The following KCNH8 variants were observed in gnomAD, a reference collection of about 807,000 sequenced individuals.
The protein encoded by KCNH8 is voltage-gated delayed rectifier potassium channel KCNH8.
KCNH8 carries 70 observed loss-of-function variants against 103.6 expected under a neutral mutation model. The observed-to-expected ratio is 0.68, with a 90% confidence interval of 0.56 to 0.82. The LOEUF (loss-of-function observed/expected upper bound fraction) is 0.82, where lower values mean the gene tolerates loss of function less well. KCNH8 is among the 40% of genes least tolerant of loss of function. The pLI is 0.00. For missense variants in KCNH8, 1,217 were observed against 1,329.9 expected, an observed-to-expected ratio of 0.92 and a Z score of 1.32; for synonymous variants, 498 against 489.4, an observed-to-expected ratio of 1.02 and a Z score of -0.23.
intron 11 of KCNH8, among the ~76,000 whole-genome samples, chr3:19,487,775 G>A (rs912628569): frequency 6.6e-6 from 1 of 152,170 alleles, no homozygotes; most frequent in Admixed American, 6.5e-5. Flanking sequence ...TCTTGTAAAG[G>A]AGATGGTGGC....
At chr3:19,186,434 T>C (rs2063503488) in intron 1 of KCNH8, among the ~76,000 whole-genome samples, 2 of 152,018 alleles carry the variant, frequency 1.3e-5, no homozygotes, top group Admixed American at 1.3e-4. Context: ...TTTCACAAAT[T>C]ATTGTGCTGC....
At chr3:19,494,365 G>C (rs777604272) in intron 11 of KCNH8, among the ~76,000 whole-genome samples, 2 of 152,032 alleles carry the variant, frequency 1.3e-5, no homozygotes, top group Non-Finnish European at 2.9e-5. Flanking sequence ...ATGGTAAATG[G>C]GTCTCATGAT....
At chr3:19,306,478 G>A (rs898673332) in intron 3 of KCNH8, among the ~76,000 whole-genome samples, 3 of 152,056 alleles carry the variant, frequency 2.0e-5, no homozygotes, top group African/African-American at 4.8e-5. Flanking sequence ...AGAAAGAGTC[G>A]ATGTTCAATT....
intron 7 of KCNH8, among the ~76,000 whole-genome samples, chr3:19,404,598 A>G (rs184436967): frequency 6.6e-6 from 1 of 151,996 alleles, no homozygotes; most frequent in African/African-American, 2.4e-5. Flanking sequence ...ATGGACTTCT[A>G]TATTTAAATG....
In KCNH8 at chr3:19,284,474, G is replaced by GTATGTACAAT. The variant is rs568054922; in HGVS notation, c.442+3146_442+3155dup. ...GAGCACAAAATTCAAACTACTATTT[G>GTATGTACAAT]TATGTACAATAGCTTTCAGCTGGTG... On this transcript the variant is annotated intron_variant, in intron 3 of 15. Transcript: ENST00000328405. 1.3e-3 allele frequency among the ~76,000 whole-genome samples: 188 copies of GTATGTACAAT among 150,342 alleles called. 2 individuals are homozygous for GTATGTACAAT. In the South Asian group the frequency reaches 0.037, roughly 30 times the overall value.
At chr3:19,212,659 G>T (rs1263158711) in intron 1 of KCNH8, among the ~76,000 whole-genome samples, 2 of 152,158 alleles carry the variant, frequency 1.3e-5, no homozygotes, top group South Asian at 4.1e-4. Flanking sequence ...CAGAAGTACA[G>T]AAGTACAGCT....
At chr3:19,286,380 G>T (rs2064832435) in intron 3 of KCNH8, among the ~76,000 whole-genome samples, 1 of 152,232 alleles carries the variant, frequency 6.6e-6, no homozygotes, top group Non-Finnish European at 1.5e-5. Flanking sequence ...AGAGACACCA[G>T]CGGTGTGAAT....
intron 5 of KCNH8, among the ~76,000 whole-genome samples, chr3:19,352,087 C>G (rs1285345182): frequency 3.9e-5 from 6 of 152,036 alleles, no homozygotes; most frequent in Admixed American, 3.3e-4. Flanking sequence ...GGTTGGAATC[C>G]TAGTCTCTGA....
In KCNH8 at chr3:19,216,217, G is replaced by A. The variant is rs886501078; in HGVS notation, c.77-37437G>A. ...CCTTAGCTTGCTGGTTTGTGGAATT[G>A]ATTCTCTCCATTCTAGGCAGGGAAT... On this transcript the variant is annotated intron_variant, in intron 1 of 15. Transcript: ENST00000328405. Among the ~76,000 whole-genome samples, 9 of 152,142 alleles carry A rather than the reference G, an allele frequency of 5.9e-5. No individual in the cohort carries two copies. In the East Asian group the frequency reaches 1.7e-3, roughly 29 times the overall value.
intron 1 of KCNH8, among the ~76,000 whole-genome samples, chr3:19,245,395 G>A (rs1443990580): frequency 1.3e-5 from 2 of 152,088 alleles, no homozygotes; most frequent in Non-Finnish European, 2.9e-5. Flanking sequence ...GTAATGTGAT[G>A]CCTCTGGCTT....
chr3:19,498,866 G>A (rs1051990033), intron 11 of KCNH8, among the ~76,000 whole-genome samples: 2 of 152,066 alleles, frequency 1.3e-5, no homozygotes, highest in Admixed American at 1.3e-4. Context: ...TGCCCCTGTT[G>A]GGGGGTGCCT....
chr3:19,505,510 G>T (rs1426765875), intron 11 of KCNH8, among the ~76,000 whole-genome samples: 1 of 152,010 alleles, frequency 6.6e-6, no homozygotes, highest in Non-Finnish European at 1.5e-5. Context: ...CTGGCTTGTC[G>T]AGTTTCTACT....
rs904813583 is a variant in KCNH8, at chr3:19,479,235, T to C, written c.2040+22253T>C. On this transcript the variant is annotated intron_variant, in intron 11 of 15. Transcript: ENST00000328405. Reference sequence around the variant, plus strand: ...GATTCTCCGGCTCTCGTCCAGAAACTCTAAATTCAGAGCTCAATTACTTAA... The same window carrying C: ...GATTCTCCGGCTCTCGTCCAGAAACCCTAAATTCAGAGCTCAATTACTTAA... Among the ~76,000 whole-genome samples, 11 of 152,102 alleles carry C rather than the reference T, an allele frequency of 7.2e-5. 1 individual carries two copies. Among genetic ancestry groups the C allele is most frequent in the African/African-American group, 2.7e-4 (11 of 41,420 alleles).
At chr3:19,224,745 G>T (rs1034380918) in intron 1 of KCNH8, among the ~76,000 whole-genome samples, 11 of 152,000 alleles carry the variant, frequency 7.2e-5, no homozygotes, top group African/African-American at 2.7e-4. Flanking sequence ...GATTAAACTG[G>T]AATCAGATAT....
intron 8 of KCNH8, among the ~76,000 whole-genome samples, chr3:19,446,401 C>T (rs1364967527): frequency 6.6e-6 from 1 of 152,052 alleles, no homozygotes; most frequent in African/African-American, 2.4e-5. Flanking sequence ...AATACACACA[C>T]ACTACCCTGA....
At chr3:19,170,584 C>CTATATATATATATATATATA (rs113772694) in intron 1 of KCNH8, among the ~76,000 whole-genome samples, 16 of 114,040 alleles carry the variant, frequency 1.4e-4, no homozygotes, top group African/African-American at 2.9e-4. Context: ...CTTGGGGCAT[C>CTATATATATATATATATATA]TATATATATA....
At chr3:19,318,474 C>T (rs565045817) in intron 3 of KCNH8, among the ~76,000 whole-genome samples, 1 of 151,808 alleles carries the variant, frequency 6.6e-6, no homozygotes, top group African/African-American at 2.4e-5. Context: ...CATTCTTATG[C>T]CTTTGCATCC....
intron 11 of KCNH8, among the ~76,000 whole-genome samples, chr3:19,503,132 C>T (rs1177760618): frequency 6.0e-5 from 9 of 151,110 alleles, no homozygotes; most frequent in African/African-American, 2.2e-4. Context: ...TGAACAGACA[C>T]TTCTCAAAAG....
At chr3:19,508,892 GA>G (rs2068739051) in intron 11 of KCNH8, among the ~76,000 whole-genome samples, 3 of 152,190 alleles carry the variant, frequency 2.0e-5, no homozygotes, top group African/African-American at 7.2e-5. Context: ...ACTCAAATCA[GA>G]AGATGCTAAG....
Sources: allele counts gnomAD v4.1 joint callset (sites outside exome capture counted in the v4.1 genomes callset), GRCh38; gene constraint gnomAD v4.1.1; transcripts MANE v1.5; gene names NCBI Gene and HGNC (gene_info 2026-07-23, HGNC 2026-07-21).